Variants in HEATR4 observed in about 807,000 individuals in gnomAD.
The protein encoded by HEATR4 is HEAT repeat-containing protein 4.
In HEATR4, 95 loss-of-function variants were observed where a neutral mutation model predicts 108.8. The observed-to-expected ratio is 0.87, with a 90% CI of 0.74 to 1.04. The LOEUF (loss-of-function observed/expected upper bound fraction) is 1.04, where lower values mean the gene tolerates loss of function less well. HEATR4 is among the 50% of genes least tolerant of loss of function. The pLI, the probability that HEATR4 is intolerant of heterozygous loss-of-function variation, is 0.00. For missense variants in HEATR4, 1,152 were observed against 1,253.8 expected (o/e 0.92, Z 1.23); for synonymous variants, 443 against 459.4 (o/e 0.96, Z 0.46).
At chr14:73,599,504 A>G in the HEATR4 span, among the ~76,000 whole-genome samples, 3 of 152,118 alleles carry the variant, frequency 2.0e-5, no homozygotes, top group African/African-American at 7.2e-5. Context: ...CAGCCCAAGT[A>G]ATTAGCAAGA....
Position 73,499,173 on chromosome 14 carries a change from G to A in HEATR4, c.2287-33C>T, listed in dbSNP as rs775131632. 6.3e-6 allele frequency: 10 copies of A among 1,589,574 alleles called. No individual in the cohort carries two copies. The South Asian group carries it at 7.7e-5, about 12-fold the overall frequency. ...GGAAAAGGCAGTGTTGAGTGGGGAGGACCAGAGCAAGAATGAACCAGAAAC... is the reference window on the plus strand; with the variant it reads ...GGAAAAGGCAGTGTTGAGTGGGGAGAACCAGAGCAAGAATGAACCAGAAAC... On this transcript the variant is annotated intron_variant, in intron 12 of 17. Transcript: ENST00000553558.
chr14:73,484,971 T>C (rs1885396116), intron 17 of HEATR4, among the ~76,000 whole-genome samples: 1 of 151,926 alleles, frequency 6.6e-6, no homozygotes, highest in Non-Finnish European at 1.5e-5. Context: ...TGAGACCAGC[T>C]TAGCCAATAT....
At chr14:73,583,816 A>G in the HEATR4 span, among the ~76,000 whole-genome samples, 2 of 151,904 alleles carry the variant, frequency 1.3e-5, no homozygotes, top group Non-Finnish European at 2.9e-5. Flanking sequence ...CCTGACCAAC[A>G]TGGTGAAACC....
intron 2 of HEATR4, among the ~76,000 whole-genome samples, chr14:73,526,977 T>TGA (rs1888380156): frequency 6.6e-6 from 1 of 151,660 alleles, no homozygotes; most frequent in East Asian, 2.0e-4. Context: ...AGAGACAAAG[T>TGA]GAGAGATGTT....
intron 16 of HEATR4, among the ~76,000 whole-genome samples, chr14:73,494,228 A>G (rs2140252999): frequency 6.6e-6 from 1 of 152,318 alleles, no homozygotes; most frequent in Non-Finnish European, 1.5e-5. Context: ...TACCAGAAAG[A>G]GCACTGGACT....
At chr14:73,613,793 C>A in the HEATR4 span, among the ~76,000 whole-genome samples, 1 of 152,046 alleles carries the variant, frequency 6.6e-6, no homozygotes, top group African/African-American at 2.4e-5. Flanking sequence ...TTGAGGAACC[C>A]TAGTCTAAGT....
Position 73,495,376 on chromosome 14 carries a change from T to C in HEATR4, c.2637A>G (p.Leu879=). The change falls in exon 16 of 18, where the codon CTA becomes CTG. Residue 879 remains leucine, a synonymous_variant. Coordinates refer to ENST00000553558, the MANE Select transcript of HEATR4 (RefSeq NM_001220484.1). ...TGTGTGTCAGCAAGTCCTTTTGGCTTAGTGTTTTAATCTAAATTAGAACAA... is the reference window on the plus strand; with the variant it reads ...TGTGTGTCAGCAAGTCCTTTTGGCTCAGTGTTTTAATCTAAATTAGAACAA... ...LQEIKNRIKT[L]SQKDLLTHKI... 1 of 1,613,562 alleles carries C rather than the reference T, an allele frequency of 6.2e-7. No individual in the cohort carries two copies. Among genetic ancestry groups the C allele is most frequent in the Non-Finnish European group, 8.5e-7 (1 of 1,179,698 alleles).
chr14:73,498,347 G>A lies in HEATR4; in HGVS notation c.2357-3C>T, dbSNP rs371999111. 19 of 1,588,838 alleles carry A rather than the reference G, an allele frequency of 1.2e-5. No individual in the cohort carries two copies. In the South Asian group the frequency reaches 2.1e-4, roughly 18 times the overall value. The stretch of plus-strand genomic sequence containing the variant: ...TACTTGCCCAATCTGTCCCAAAGCT[G>A]CAGAGATTAGAGGGCAGCATGTCAC... On this transcript the variant is annotated splice_region_variant and splice_polypyrimidine_tract_variant and intron_variant, in intron 13 of 17. Coordinates refer to ENST00000553558, the MANE Select transcript of HEATR4 (RefSeq NM_001220484.1).
intron 14 of HEATR4, among the ~76,000 whole-genome samples, chr14:73,497,649 G>A (rs1182952082): frequency 6.6e-6 from 1 of 150,402 alleles, no homozygotes; most frequent in African/African-American, 2.4e-5. Flanking sequence ...TTTTTGAGAC[G>A]GAGTTTTGCT....
the HEATR4 span, among the ~76,000 whole-genome samples, chr14:73,597,846 C>A: frequency 6.6e-6 from 1 of 151,742 alleles, no homozygotes; most frequent in South Asian, 2.1e-4. Context: ...TCTGCCTCGG[C>A]TTCCCAAAGT....
chr14:73,501,742 T>A (rs73293440), intron 11 of HEATR4, among the ~76,000 whole-genome samples: 2 of 151,168 alleles, frequency 1.3e-5, no homozygotes, highest in African/African-American at 2.4e-5. Flanking sequence ...ACTGGCTAAC[T>A]TTTTATTTTA....
At chr14:73,610,943 A>C in the HEATR4 span, 2 of 152,192 alleles carry the variant, frequency 1.3e-5, no homozygotes, top group African/African-American at 4.8e-5. Context: ...CAAGTGGGGC[A>C]CACACACATG....
the HEATR4 span, among the ~76,000 whole-genome samples, chr14:73,607,686 C>T: frequency 2.0e-5 from 3 of 151,960 alleles, no homozygotes; most frequent in East Asian, 3.9e-4. Context: ...TGCAATGGAG[C>T]GATCTGGGCT....
the HEATR4 span, chr14:73,611,036 CTATCTG>C: frequency 6.6e-6 from 1 of 152,176 alleles, no homozygotes; most frequent in Non-Finnish European, 1.5e-5. Context: ...TCTTTGCTGC[CTATCTG>C]TAAGTAATAA....
chr14:73,588,228 G>C, the HEATR4 span, among the ~76,000 whole-genome samples: 1 of 152,006 alleles, frequency 6.6e-6, no homozygotes, highest in Non-Finnish European at 1.5e-5. Flanking sequence ...TCAAACTCCT[G>C]ACCTCAAGTG....
chr14:73,624,635 AG>A, the HEATR4 span, among the ~76,000 whole-genome samples: 3 of 152,198 alleles, frequency 2.0e-5, no homozygotes, highest in Admixed American at 2.0e-4. Context: ...CCCTCTTTTT[AG>A]TAACTCTTCT....
chr14:73,488,160 T>C (rs1172832589), intron 17 of HEATR4, among the ~76,000 whole-genome samples: 2 of 152,172 alleles, frequency 1.3e-5, no homozygotes, highest in African/African-American at 2.4e-5. Flanking sequence ...CCAAATCTCA[T>C]GTTGAATTGT....
chr14:73,576,898 G>GCCTTT, the HEATR4 span, among the ~76,000 whole-genome samples: 1 of 139,786 alleles, frequency 7.2e-6, no homozygotes, highest in Non-Finnish European at 1.5e-5. Context: ...GTATTTAAAG[G>GCCTTT]AAAAAAAACC....
intron 10 of HEATR4, 125 bp downstream of exon 10, chr14:73,506,339 AAGT>A: frequency 3.1e-6 from 2 of 654,944 alleles, no homozygotes; most frequent in Non-Finnish European, 5.4e-6. Flanking sequence ...TAGAAGTAAG[AAGT>A]AGTGATGTGG....
Sources: allele counts gnomAD v4.1 joint callset (sites outside exome capture counted in the v4.1 genomes callset), GRCh38; gene constraint gnomAD v4.1.1; transcripts MANE v1.5; gene names NCBI Gene and HGNC (gene_info 2026-07-23, HGNC 2026-07-21).